MON2: variants seen among roughly 807,000 people sequenced by gnomAD.
The protein encoded by MON2 is MON2 regulator of endosome-to-Golgi trafficking, also known as protein MON2 homolog.
Under a neutral mutation model 208.6 loss-of-function variants are expected in MON2, and 84 were observed. That is an observed-to-expected ratio of 0.40 (90% CI 0.34 to 0.48). The LOEUF is 0.48. Ranked by LOEUF, MON2 falls within the 20% of genes least tolerant of loss-of-function variation. The pLI is 0.59. For synonymous variants in MON2, 660 were observed against 694.0 expected (o/e 0.95, Z 0.77); for missense variants, 1,611 against 2,015.4 (o/e 0.80, Z 3.84).
chr12:62,496,208 A>T (rs1178809683), intron 4 of MON2, among the ~76,000 whole-genome samples: 2 of 151,984 alleles, frequency 1.3e-5, no homozygotes, highest in Non-Finnish European at 2.9e-5. Flanking sequence ...AATATTATAT[A>T]TATTTTTGTA....
At chr12:62,557,034 G>C (rs1379993067) in intron 25 of MON2, among the ~76,000 whole-genome samples, 1 of 151,856 alleles carries the variant, frequency 6.6e-6, no homozygotes, top group Non-Finnish European at 1.5e-5. Flanking sequence ...GCTGCAGTTA[G>C]CCAAGATCGT....
intron 1 of MON2, among the ~76,000 whole-genome samples, chr12:62,470,415 T>A (rs2068736993): frequency 1.3e-5 from 2 of 152,232 alleles, no homozygotes; most frequent in South Asian, 4.1e-4. Context: ...GGCTATGGCT[T>A]TATTCTGTCA....
At chr12:62,577,695 G>A (rs531273682) in intron 30 of MON2, among the ~76,000 whole-genome samples, 21 of 152,070 alleles carry the variant, frequency 1.4e-4, no homozygotes, top group African/African-American at 4.6e-4. Context: ...ATTACTACAT[G>A]GAATTGCTAT....
In MON2 at chr12:62,592,600, TG is replaced by T; in HGVS notation, c.5008del (p.Ala1670HisfsTer3). 1 of 1,595,756 alleles carries T rather than the reference TG, an allele frequency of 6.3e-7. No homozygotes were observed. Among genetic ancestry groups the T allele is most frequent in the Non-Finnish European group, 8.6e-7 (1 of 1,166,510 alleles). ...TTGCATTACAGTTGATGGAAATACC[TG>T]GGCACAAGTAATTGCCTTATACCCA... ...TQPENVDGNT[W>X]AQVIALYPTL... On this transcript the variant is annotated frameshift_variant, in exon 35 of 35. Coordinates refer to ENST00000393630, the MANE Select transcript of MON2 (RefSeq NM_015026.3). LOFTEE classifies it high-confidence loss of function.
At chr12:62,571,642 C>A in intron 30 of MON2, 60 bp downstream of exon 30, 1 of 1,338,100 alleles carries the variant, frequency 7.5e-7, no homozygotes, top group Non-Finnish European at 1.0e-6. Context: ...TTCAGTTGCT[C>A]TAAAAACAGT....
At chr12:62,567,109 A>G (rs2074413310) in intron 29 of MON2, among the ~76,000 whole-genome samples, 1 of 152,130 alleles carries the variant, frequency 6.6e-6, no homozygotes, top group African/African-American at 2.4e-5. Flanking sequence ...CATTCCTCTA[A>G]GGCTTATTTC....
intron 27 of MON2, 150 bp from the exon 28 acceptor site, chr12:62,565,864 A>G: frequency 1.5e-6 from 1 of 657,258 alleles, no homozygotes; most frequent in Non-Finnish European, 2.5e-6. Flanking sequence ...GCAAATTTTA[A>G]CTTTGTTTAA....
intron 8 of MON2, among the ~76,000 whole-genome samples, chr12:62,509,558 A>G (rs1183681988): frequency 6.6e-6 from 1 of 152,232 alleles, no homozygotes; most frequent in East Asian, 1.9e-4. Flanking sequence ...TAACAGACAT[A>G]TACAGAACAC....
rs1324790956 is a variant in MON2, at chr12:62,518,474, TA to T, written c.985-6039del. 7.2e-5 allele frequency among the ~76,000 whole-genome samples: 11 copies of T among 152,332 alleles called. No homozygotes were observed. In the East Asian group the frequency reaches 2.1e-3, roughly 29 times the overall value. On this transcript the variant is annotated intron_variant, in intron 8 of 34. Transcript: ENST00000393630. ...GTGTTAACTAATTTTTTAGGCTCCATAACACACTTTTAACCCCACTACACTT... is the reference window on the plus strand; with the variant it reads ...GTGTTAACTAATTTTTTAGGCTCCATACACACTTTTAACCCCACTACACTT...
chr12:62,506,537 C>G (rs1282105154), intron 7 of MON2, among the ~76,000 whole-genome samples: 4 of 151,910 alleles, frequency 2.6e-5, no homozygotes, highest in African/African-American at 9.7e-5. Flanking sequence ...GAGAGCCTGC[C>G]CAACATGGTG....
chr12:62,522,007 A>T (rs935630251), intron 8 of MON2, among the ~76,000 whole-genome samples: 1 of 152,206 alleles, frequency 6.6e-6, no homozygotes, highest in Non-Finnish European at 1.5e-5. Flanking sequence ...ATCCTGACCA[A>T]CATGGCGAAA....
intron 2 of MON2, among the ~76,000 whole-genome samples, chr12:62,485,496 A>G (rs2069716383): frequency 6.6e-6 from 1 of 152,228 alleles, no homozygotes; most frequent in Non-Finnish European, 1.5e-5. Flanking sequence ...CCCTTAGCAT[A>G]AGCGCTCCTC....
chr12:62,474,146 C>T (rs1341780987), intron 1 of MON2, among the ~76,000 whole-genome samples: 1 of 145,582 alleles, frequency 6.9e-6, no homozygotes, highest in African/African-American at 2.5e-5. Flanking sequence ...GAGACAAAGT[C>T]TCGCTCTTGT....
chr12:62,501,733 T>A, intron 7 of MON2, 35 bp downstream of exon 7: 2 of 1,609,784 alleles, frequency 1.2e-6, no homozygotes, highest in Non-Finnish European at 1.7e-6. Context: ...ACAAAGTTAA[T>A]CTGAATTGTT....
intron 26 of MON2, among the ~76,000 whole-genome samples, chr12:62,564,281 G>A (rs2074296098): frequency 6.6e-6 from 1 of 151,924 alleles, no homozygotes. Context: ...TGTACATACT[G>A]TTTTTAAAGA....
intron 33 of MON2, among the ~76,000 whole-genome samples, chr12:62,587,379 T>TAA (rs35377801): frequency 2.2e-4 from 33 of 147,440 alleles, no homozygotes; most frequent in Middle Eastern, 3.5e-3. Context: ...CTAATTAGTT[T>TAA]AAAAAAAAAA....
At chr12:62,589,996 T>C (rs138381681) in intron 34 of MON2, among the ~76,000 whole-genome samples, 15 of 152,270 alleles carry the variant, frequency 9.9e-5, no homozygotes, top group African/African-American at 3.6e-4. Context: ...TGTGGTAAGC[T>C]TTATTAAGAA....
intron 19 of MON2, 67 bp from the exon 20 acceptor site, chr12:62,543,030 T>C: frequency 1.2e-6 from 1 of 834,460 alleles, no homozygotes; most frequent in East Asian, 2.9e-5. Flanking sequence ...TATTCTCAGT[T>C]TTATTCATAG....
intron 11 of MON2, among the ~76,000 whole-genome samples, chr12:62,530,648 T>G (rs892153554): frequency 1.3e-5 from 2 of 152,204 alleles, no homozygotes; most frequent in African/African-American, 4.8e-5. Flanking sequence ...TTGATGCATA[T>G]TGGGTTATTT....
Sources: gnomAD v4.1 joint callset for allele counts (sites outside exome capture counted in the v4.1 genomes callset) on GRCh38, gnomAD v4.1.1 for gene constraint, MANE v1.5 for transcripts, NCBI Gene and HGNC (gene_info 2026-07-23, HGNC 2026-07-21) for gene names.